Variants in TENM3 observed in about 807,000 individuals in gnomAD.
TENM3 encodes the protein teneurin-3.
TENM3 carries 63 observed loss-of-function variants against 255.1 expected under a neutral mutation model. The observed-to-expected ratio is 0.25, with a 90% CI of 0.20 to 0.30. TENM3 has a LOEUF of 0.30. Among genes scored for constraint, TENM3 ranks in the 10% least tolerant of loss-of-function variants. The pLI, the probability that TENM3 is intolerant of heterozygous loss-of-function variation, is 1.00. For missense variants in TENM3, 2,929 were observed against 3,461.1 expected (o/e 0.85, Z 3.86); for synonymous variants, 1,306 against 1,322.3 (o/e 0.99, Z 0.27).
intron 22 of TENM3, among the ~76,000 whole-genome samples, chr4:182,761,849 G>T (rs375021955): frequency 3.2e-4 from 49 of 151,988 alleles, no homozygotes; most frequent in African/African-American, 1.1e-3. Flanking sequence ...TTGTTTAATT[G>T]CTTAATAATT....
chr4:181,569,524 C>A, the TENM3 span, among the ~76,000 whole-genome samples: 1 of 152,100 alleles, frequency 6.6e-6, no homozygotes. Context: ...GGGGTTGTTT[C>A]CCCTTTTTGC....
At chr4:182,378,990 C>T (rs576340588) in intron 3 of TENM3, among the ~76,000 whole-genome samples, 97 of 152,226 alleles carry the variant, frequency 6.4e-4, no homozygotes, top group Non-Finnish European at 1.1e-3. Flanking sequence ...GGCCAGTATG[C>T]ACAGGCATTG....
chr4:182,340,218 C>T (rs1292750485), intron 2 of TENM3, among the ~76,000 whole-genome samples: 2 of 152,152 alleles, frequency 1.3e-5, no homozygotes, highest in African/African-American at 4.8e-5. Flanking sequence ...TCTTACCCAC[C>T]TCCTCAAGTT....
At chr4:181,696,978 G>T in the TENM3 span, among the ~76,000 whole-genome samples, 31 of 152,340 alleles carry the variant, frequency 2.0e-4, 1 homozygote, top group African/African-American at 6.5e-4. Context: ...TCAGAAGCCA[G>T]ATTTCATCTT....
the TENM3 span, among the ~76,000 whole-genome samples, chr4:181,470,519 G>A: frequency 0.88 from 133,831 of 152,162 alleles, 59,815 homozygotes; most frequent in Non-Finnish European, 0.98. Context: ...CCAAAAACAC[G>A]TGTTCCTTCT....
intron 6 of TENM3, among the ~76,000 whole-genome samples, chr4:182,655,838 T>A (rs112928772): frequency 6.6e-6 from 1 of 152,196 alleles, no homozygotes; most frequent in African/African-American, 2.4e-5. Context: ...TACACACACA[T>A]ATACATATGT....
intron 13 of TENM3, among the ~76,000 whole-genome samples, chr4:182,716,826 A>T (rs1226667458): frequency 1.3e-5 from 2 of 152,218 alleles, no homozygotes; most frequent in Admixed American, 6.5e-5. Flanking sequence ...TTGTAGTGTT[A>T]TAGATCCATT....
chr4:181,810,554 A>G, the TENM3 span, among the ~76,000 whole-genome samples: 1 of 152,172 alleles, frequency 6.6e-6, no homozygotes, highest in East Asian at 1.9e-4. Context: ...TATGTTATTC[A>G]TACAAGACCC....
At chr4:182,018,257 C>A in the TENM3 span, among the ~76,000 whole-genome samples, 3 of 152,182 alleles carry the variant, frequency 2.0e-5, no homozygotes, top group African/African-American at 7.2e-5. Flanking sequence ...GATCCTTCGC[C>A]TTCTGTCCTC....
the TENM3 span, among the ~76,000 whole-genome samples, chr4:181,852,656 G>A: frequency 6.6e-6 from 1 of 152,150 alleles, no homozygotes; most frequent in African/African-American, 2.4e-5. Context: ...AAGAGGTAAT[G>A]TCTACATTAG....
rs1301180255 is a variant in TENM3, at chr4:182,789,331, G to T, written c.5543G>T (p.Arg1848Met). The T allele has an allele frequency of 6.2e-7, 1 of 1,613,822 alleles. No individual in the cohort carries two copies. The highest frequency in any genetic ancestry group is 1.1e-5 in the South Asian group (1 of 91,006). ...SEKVDYDGQG[R>M]IVSRVFADGK... is the part of the protein sequence containing the mutation. Reference sequence around the variant, plus strand: ...AAAGTAGATTATGACGGACAGGGGAGGATCGTGTCTCGGGTCTTTGCTGAT... The same window carrying T: ...AAAGTAGATTATGACGGACAGGGGATGATCGTGTCTCGGGTCTTTGCTGAT... The change falls in exon 25 of 28, where the codon AGG becomes ATG. Residue 1848 changes from arginine to methionine, a missense_variant. This residue lies in a region of TENM3 where 303 missense variants were observed against 425.2 expected (regional missense o/e 0.71). Transcript: ENST00000511685. The surrounding 1 kb of genome is among the most constrained non-coding windows in gnomAD (Gnocchi z 4.4).
chr4:181,605,547 A>G, the TENM3 span, among the ~76,000 whole-genome samples: 10 of 28,644 alleles, frequency 3.5e-4, no homozygotes, highest in African/African-American at 6.4e-4. Context: ...AGAAAGAAAG[A>G]AAGAAAGAAA....
At chr4:182,306,347 T>C (rs1038345367) in intron 1 of TENM3, among the ~76,000 whole-genome samples, 2 of 152,100 alleles carry the variant, frequency 1.3e-5, no homozygotes, top group African/African-American at 2.4e-5. Context: ...TGAGCCACCA[T>C]GTCCAGCCTG....
chr4:181,927,631 C>T, the TENM3 span, among the ~76,000 whole-genome samples: 27 of 152,322 alleles, frequency 1.8e-4, 1 homozygote, highest in South Asian at 1.0e-3. Context: ...CTGCCTGCTC[C>T]GAAGAGAGCA....
chr4:181,956,283 G>A, the TENM3 span, among the ~76,000 whole-genome samples: 1 of 152,128 alleles, frequency 6.6e-6, no homozygotes, highest in South Asian at 2.1e-4. Flanking sequence ...AAATTTTGAG[G>A]AGACACAAAT....
chr4:181,873,986 T>C, the TENM3 span, among the ~76,000 whole-genome samples: 2 of 152,308 alleles, frequency 1.3e-5, no homozygotes, highest in African/African-American at 4.8e-5. Flanking sequence ...GGTTTCACCA[T>C]GTTGGCAAGG....
Position 182,741,962 on chromosome 4 carries a change from G to A in TENM3, c.3380-1208G>A, listed in dbSNP as rs116703381. ...TCTCAAGTTTCCTGATTGTACTTTCGTGGGATTATTCTTTCAACAGTGTAT... is the reference window on the plus strand; with the variant it reads ...TCTCAAGTTTCCTGATTGTACTTTCATGGGATTATTCTTTCAACAGTGTAT... On this transcript the variant is annotated intron_variant, in intron 18 of 27. Transcript: ENST00000511685. 5.3e-3 allele frequency among the ~76,000 whole-genome samples: 801 copies of A among 152,272 alleles called. 5 individuals are homozygous for A. Among genetic ancestry groups the A allele is most frequent in the Middle Eastern group, 0.027 (8 of 294 alleles).
chr4:181,605,556 A>AAGGGAGAG, the TENM3 span, among the ~76,000 whole-genome samples: 1 of 30,462 alleles, frequency 3.3e-5, no homozygotes, highest in African/African-American at 7.9e-5. Context: ...GAAAGAAAGA[A>AAGGGAGAG]AGAAAGAAAG....
At chr4:182,678,605 A>G (rs772425625) in intron 7 of TENM3, among the ~76,000 whole-genome samples, 12 of 152,216 alleles carry the variant, frequency 7.9e-5, no homozygotes, top group Non-Finnish European at 1.8e-4. Flanking sequence ...CAACCCCACC[A>G]TTACCAGATG....
Sources: gnomAD v4.1 joint callset for allele counts (sites outside exome capture counted in the v4.1 genomes callset) on GRCh38, gnomAD v4.1.1 for gene constraint, gnomAD v4.1.1 regional missense constraint, Gnocchi (gnomAD v3.1) non-coding constraint, MANE v1.5 for transcripts, NCBI Gene and HGNC (gene_info 2026-07-23, HGNC 2026-07-21) for gene names.